DHRSX: variants seen among roughly 807,000 people sequenced by gnomAD.
DHRSX encodes dehydrogenase/reductase X-linked.
A neutral mutation model predicts 34.0 loss-of-function variants in DHRSX; 31 were observed. That is an observed-to-expected ratio of 0.91 (90% confidence interval 0.69 to 1.23). The LOEUF (loss-of-function observed/expected upper bound fraction) is 1.23, where lower values mean the gene tolerates loss of function less well. DHRSX is among the 50% of genes most tolerant of loss of function. The pLI is 0.00. For synonymous variants in DHRSX, 201 were observed against 183.8 expected, an observed-to-expected ratio of 1.09 and a Z score of -0.76; for missense variants, 414 against 428.1, an observed-to-expected ratio of 0.97 and a Z score of 0.29.
At chrX:2,378,963 C>T (rs1280282205) in intron 3 of DHRSX, among the ~76,000 whole-genome samples, 3 of 152,152 alleles carry the variant, frequency 2.0e-5, no homozygotes, top group African/African-American at 4.8e-5. Context: ...TGAGCCACCG[C>T]GCCCGGCCTT....
chrX:2,266,473 C>A (rs1214177887), intron 5 of DHRSX, among the ~76,000 whole-genome samples: 1 of 150,828 alleles, frequency 6.6e-6, no homozygotes, highest in Non-Finnish European at 1.5e-5. Context: ...TCCCAGAGCA[C>A]CAGTGCTCGG....
At chrX:2,403,055 G>C (rs1041496455) in intron 3 of DHRSX, among the ~76,000 whole-genome samples, 33 of 152,058 alleles carry the variant, frequency 2.2e-4, no homozygotes, top group African/African-American at 7.7e-4. Context: ...GCTAATTTTT[G>C]TGTTTTTAGT....
At chrX:2,316,735 G>T (rs1346910369) in intron 3 of DHRSX, among the ~76,000 whole-genome samples, 1 of 152,158 alleles carries the variant, frequency 6.6e-6, no homozygotes, top group Non-Finnish European at 1.5e-5. Context: ...TGCTAAGCAT[G>T]TGGAGTTATT....
At chrX:2,398,825 A>G in intron 3 of DHRSX, among the ~76,000 whole-genome samples, 1 of 151,860 alleles carries the variant, frequency 6.6e-6, no homozygotes, top group Non-Finnish European at 1.5e-5. Flanking sequence ...ATGCGCCACC[A>G]TGCCTGGCTA....
chrX:2,342,833 C>A (rs2042657474), intron 3 of DHRSX, among the ~76,000 whole-genome samples: 1 of 152,156 alleles, frequency 6.6e-6, no homozygotes, highest in Non-Finnish European at 1.5e-5. Flanking sequence ...AACTTAAACA[C>A]AACTTTGCCT....
intron 1 of DHRSX, among the ~76,000 whole-genome samples, chrX:2,464,041 A>T (rs1291945352): frequency 1.3e-5 from 2 of 152,196 alleles, no homozygotes; most frequent in South Asian, 2.1e-4. Flanking sequence ...TACACACTGG[A>T]GACGTTCCCT....
intron 3 of DHRSX, chrX:2,334,903 G>C (rs1235859663): frequency 6.6e-6 from 1 of 152,072 alleles, no homozygotes; most frequent in Non-Finnish European, 1.5e-5. Flanking sequence ...GTTAAGTCCG[G>C]GCGTGGTGGC....
chrX:2,300,745 A>T (rs1371351160), intron 3 of DHRSX, among the ~76,000 whole-genome samples: 16 of 152,064 alleles, frequency 1.1e-4, no homozygotes, highest in Non-Finnish European at 8.8e-5. Context: ...TGATCCTGTG[A>T]GTTAATACTG....
At chrX:2,410,596 C>A (rs760690434) in intron 2 of DHRSX, among the ~76,000 whole-genome samples, 18 of 152,288 alleles carry the variant, frequency 1.2e-4, no homozygotes, top group African/African-American at 4.3e-4. Flanking sequence ...AAGGAAGAGA[C>A]CATGCTGTTT....
chrX:2,250,729 G>A (rs1382282418), intron 5 of DHRSX, among the ~76,000 whole-genome samples: 1 of 152,094 alleles, frequency 6.6e-6, no homozygotes, highest in East Asian at 1.9e-4. Flanking sequence ...GACCTCCTCT[G>A]TCATCCTGTG....
chrX:2,315,354 G>C (rs34426732), intron 3 of DHRSX, among the ~76,000 whole-genome samples: 72,529 of 151,714 alleles, frequency 0.48, 17,910 homozygotes, highest in Non-Finnish European at 0.55. Context: ...TACAGGGTGA[G>C]AAAGGCCTAC....
At chrX:2,352,297 T>C (rs1569492702) in intron 3 of DHRSX, among the ~76,000 whole-genome samples, 1 of 152,060 alleles carries the variant, frequency 6.6e-6, no homozygotes, top group Non-Finnish European at 1.5e-5. Context: ...GCGAATGGGA[T>C]AGTATCTGTT....
chrX:2,432,330 T>G (rs2043937389), intron 1 of DHRSX, among the ~76,000 whole-genome samples: 1 of 152,188 alleles, frequency 6.6e-6, no homozygotes, highest in South Asian at 2.1e-4. Flanking sequence ...TAAAGATAGT[T>G]CACAGAATTT....
rs777946104 is a variant in DHRSX, at chrX:2,219,617, C to T, written c.*1424G>A. ...TAGCAGTCATGTAAGAAGCACATGCCCCCACAATTAGTTTGAACTCCATCC... is the reference window on the plus strand; with the variant it reads ...TAGCAGTCATGTAAGAAGCACATGCTCCCACAATTAGTTTGAACTCCATCC... On this transcript the variant is annotated 3_prime_UTR_variant, in exon 7 of 7. Coordinates refer to ENST00000334651, the MANE Select transcript of DHRSX (RefSeq NM_145177.3). The T allele has an allele frequency of 1.3e-5, 2 of 152,244 alleles. No individual in the cohort carries two copies. The highest frequency in any genetic ancestry group is 4.1e-4 in the South Asian group (2 of 4,822). The allele number at this position is 152,244 out of a possible 1,614,324, so 9.4% of individuals were successfully genotyped here.
chrX:2,474,169 G>A (rs113763707), intron 1 of DHRSX, among the ~76,000 whole-genome samples: 31,258 of 151,926 alleles, frequency 0.21, 4,285 homozygotes, highest in African/African-American at 0.39. Context: ...TGTGGCCAAG[G>A]GATCGCCACC....
intron 5 of DHRSX, among the ~76,000 whole-genome samples, chrX:2,244,637 G>A (rs1171210183): frequency 6.6e-6 from 1 of 151,970 alleles, no homozygotes; most frequent in African/African-American, 2.4e-5. Flanking sequence ...CACAATTATC[G>A]TAACAACATT....
At chrX:2,303,797 G>GTGGA (rs2042047362) in intron 3 of DHRSX, among the ~76,000 whole-genome samples, 1 of 26,614 alleles carries the variant, frequency 3.8e-5, no homozygotes, top group Non-Finnish European at 8.7e-5. Flanking sequence ...GGATGGGTGG[G>GTGGA]TGGGTGGGTG....
At chrX:2,336,164 T>C (rs776263234) in intron 3 of DHRSX, among the ~76,000 whole-genome samples, 38 of 151,956 alleles carry the variant, frequency 2.5e-4, no homozygotes, top group Admixed American at 1.3e-4. Flanking sequence ...CCCGCCACCA[T>C]GCCCAGCTAG....
At chrX:2,401,570 C>T (rs1425787257) in intron 3 of DHRSX, among the ~76,000 whole-genome samples, 3 of 152,162 alleles carry the variant, frequency 2.0e-5, no homozygotes, top group East Asian at 1.9e-4. Flanking sequence ...ATGGCATGTA[C>T]GAGCTGCAAA....
Sources: allele counts gnomAD v4.1 joint callset (sites outside exome capture counted in the v4.1 genomes callset), GRCh38; gene constraint gnomAD v4.1.1; transcripts MANE v1.5; gene names NCBI Gene and HGNC (gene_info 2026-07-23, HGNC 2026-07-21).